The following CD163L1 variants were observed in gnomAD, a reference collection of about 807,000 sequenced individuals.
CD163L1 encodes the protein CD163 molecule like 1, also known as scavenger receptor cysteine-rich type 1 protein M160.
A neutral mutation model predicts 165.4 loss-of-function variants in CD163L1; 124 were observed. The ratio of observed to expected loss-of-function variants is 0.75; its 90% CI spans 0.65 to 0.87. The LOEUF is 0.87. Among genes scored for constraint, CD163L1 ranks in the 40% least tolerant of loss-of-function variants. The probability of loss-of-function intolerance (pLI) is 0.00; values close to 1 mark genes in which losing one functional copy is unlikely to be tolerated. For synonymous variants in CD163L1, 585 were observed against 662.2 expected, an observed-to-expected ratio of 0.88 and a Z score of 1.79; for missense variants, 1,525 against 1,799.9, an observed-to-expected ratio of 0.85 and a Z score of 2.76.
chr12:7,395,877 A>G (rs1450181498), intron 8 of CD163L1, among the ~76,000 whole-genome samples: 1 of 152,194 alleles, frequency 6.6e-6, no homozygotes, highest in African/African-American at 2.4e-5. Flanking sequence ...ACTTTGGGAA[A>G]ATTTGGGTAG....
intron 4 of CD163L1, among the ~76,000 whole-genome samples, chr12:7,422,698 T>C (rs1277790445): frequency 1.3e-5 from 2 of 149,128 alleles, no homozygotes; most frequent in African/African-American, 4.9e-5. Context: ...TTCATATATA[T>C]ACATGTATAT....
intron 8 of CD163L1, among the ~76,000 whole-genome samples, chr12:7,392,943 CA>C (rs1337074446): frequency 6.6e-6 from 1 of 151,884 alleles, no homozygotes; most frequent in African/African-American, 2.4e-5. Context: ...GCCTACCAAC[CA>C]AAAAAAGTCC....
At chr12:7,423,397 C>A (rs1333727243) in intron 4 of CD163L1, among the ~76,000 whole-genome samples, 3 of 151,988 alleles carry the variant, frequency 2.0e-5, no homozygotes, top group Non-Finnish European at 4.4e-5. Context: ...AAAATTGACA[C>A]CCTAACATCA....
chr12:7,332,644 A>C, the CD163L1 span, among the ~76,000 whole-genome samples: 6 of 152,224 alleles, frequency 3.9e-5, no homozygotes, highest in African/African-American at 1.2e-4. Context: ...TTCTTAAAGA[A>C]AAGAATTTTC....
intron 2 of CD163L1, among the ~76,000 whole-genome samples, chr12:7,437,209 T>TAG (rs1565820110): frequency 6.1e-4 from 32 of 52,368 alleles, no homozygotes; most frequent in African/African-American, 1.6e-3. Context: ...TATTACTTTT[T>TAG]TATTTTAATA....
the CD163L1 span, chr12:7,328,267 C>T: frequency 2.6e-6 from 4 of 1,548,446 alleles, no homozygotes; most frequent in Non-Finnish European, 2.6e-6. Flanking sequence ...TGTCTCATCA[C>T]GTTTTTTTCT....
At chr12:7,330,606 A>C in the CD163L1 span, among the ~76,000 whole-genome samples, 2 of 152,208 alleles carry the variant, frequency 1.3e-5, no homozygotes, top group Non-Finnish European at 2.9e-5. Context: ...TTCAGAGATA[A>C]AATTTCAGGC....
At chr12:7,353,823 G>A (rs2136367182), downstream of CD163L1, among the ~76,000 whole-genome samples, 1 of 151,956 alleles carries the variant, frequency 6.6e-6, no homozygotes, top group African/African-American at 2.4e-5. Context: ...AATAGGGATG[G>A]CTCTTTATTT....
chr12:7,368,234 G>T lies in CD163L1; in HGVS notation c.4073-37C>A. On this transcript the variant is annotated intron_variant, in intron 16 of 19. Transcript: ENST00000313599. The surrounding 1 kb of genome is among the most constrained non-coding windows in gnomAD (Gnocchi z 4.3). ...TTAAGCATTGATAAGTATTAAACTA[G>T]TAGATATCAATTGTGGGTTTATACA... The T allele has an allele frequency of 8.5e-7, 1 of 1,170,366 alleles. No individual in the cohort carries two copies. The highest frequency in any genetic ancestry group is 1.3e-6 in the Non-Finnish European group (1 of 786,146). The allele number at this position is 1,170,366 out of a possible 1,614,324, so 72.5% of individuals were successfully genotyped here. A position where few individuals can be genotyped will look rare whatever the true frequency, so the allele number is the denominator to read the frequency against.
At chr12:7,366,996 T>C (rs1433948600) in intron 18 of CD163L1, among the ~76,000 whole-genome samples, 1 of 152,214 alleles carries the variant, frequency 6.6e-6, no homozygotes, top group Non-Finnish European at 1.5e-5. Context: ...TCTTCTTTGC[T>C]TGGTGCCTCT....
chr12:7,366,179 T>G (rs78935962), intron 18 of CD163L1, among the ~76,000 whole-genome samples: 2,856 of 152,238 alleles, frequency 0.019, 71 homozygotes, highest in African/African-American at 0.065. Context: ...CTCATTCATA[T>G]GTGGGAGCTA....
intron 5 of CD163L1, among the ~76,000 whole-genome samples, chr12:7,404,770 T>C (rs1947984984): frequency 6.6e-6 from 1 of 152,206 alleles, no homozygotes; most frequent in Non-Finnish European, 1.5e-5. Context: ...ATGTAGGTCA[T>C]AATGATAGTT....
intron 18 of CD163L1, among the ~76,000 whole-genome samples, chr12:7,366,267 AAG>A (rs1285522931): frequency 2.6e-5 from 4 of 152,082 alleles, no homozygotes; most frequent in Admixed American, 2.6e-4. Context: ...AGGGAGGATA[AAG>A]AGAGGTTGAT....
In CD163L1 at chr12:7,433,375, A is replaced by C. The variant is rs10845159; in HGVS notation, c.444T>G (p.Tyr148Ter). 2.4e-5 allele frequency: 38 copies of C among 1,581,980 alleles called. No homozygotes were observed. The highest frequency in any genetic ancestry group is 3.1e-5 in the Non-Finnish European group (36 of 1,163,224). ...TTCCTACTCTAGTTAGACTCTTACC[A>C]TAACAGTTCACACCAACATCTTCTC... ...YHGEDVGVNC[Y>*]GEANLGLRLV... The change falls in exon 3 of 20, where the codon TAT (tyrosine) becomes TAG (stop). Residue 148 changes from tyrosine (Y) to a stop codon, truncating the protein, a stop_gained and splice_region_variant. Transcript: ENST00000313599. LOFTEE classifies it high-confidence loss of function.
chr12:7,433,598 T>C lies in CD163L1; in HGVS notation c.221A>G (p.Asp74Gly). The change falls in exon 3 of 20, where the codon GAT becomes GGT. Residue 74 changes from aspartate to glycine, a missense_variant. By Grantham distance (94) the Asp-to-Gly change is moderately conservative. Coordinates refer to ENST00000313599, the MANE Select transcript of CD163L1 (RefSeq NM_174941.6). ...KFQGQWGTVCDDGWNTTASTV... is the reference protein window; with the variant it reads ...KFQGQWGTVCGDGWNTTASTV... ...TGAGGCAGTAGTGTTCCACCCATCA[T>C]CACACACAGTCCCCCACTGTCCCTG... 1 of 1,614,172 alleles carries C rather than the reference T, an allele frequency of 6.2e-7. No homozygotes were observed. Among genetic ancestry groups the C allele is most frequent in the Non-Finnish European group, 8.5e-7 (1 of 1,180,012 alleles).
In CD163L1 at chr12:7,421,497, ATG is replaced by A. The variant is rs1491456296; in HGVS notation, c.766+10917_766+10918del. On this transcript the variant is annotated intron_variant, in intron 4 of 19. Coordinates refer to ENST00000313599, the MANE Select transcript of CD163L1 (RefSeq NM_174941.6). ...TACATATATGTACATATATACATAT[ATG>A]TACATATACATATACATATATGTAC... Among the ~76,000 whole-genome samples, 668 of 87,058 alleles carry A rather than the reference ATG, an allele frequency of 7.7e-3. 55 individuals carry two copies. The highest frequency in any genetic ancestry group is 0.021 in the African/African-American group (369 of 17,326). 57.1% of individuals were successfully genotyped at this position (87,058 alleles called of 152,430 possible).
At chr12:7,439,521 TTTTTTC>T in intron 2 of CD163L1, 1 of 1,579,050 alleles carries the variant, frequency 6.3e-7, no homozygotes, top group Admixed American at 2.0e-5. Context: ...TCTGCCTTAA[TTTTTTC>T]TTTTTCTTCT....
rs1565809629 is a variant in CD163L1 at position 7,421,376 on chromosome 12, CATTTGGAAGATATATATGT to C, written c.766+11021_766+11039del. On this transcript the variant is annotated intron_variant, in intron 4 of 19. Transcript: ENST00000313599. ...ATATATGTGTATATATGTATATATACATTTGGAAGATATATATGTATATATATCTTCCAAATGTATATAT... is the reference window on the plus strand; with the variant it reads ...ATATATGTGTATATATGTATATATACATATATATCTTCCAAATGTATATAT... 2.5e-4 allele frequency among the ~76,000 whole-genome samples: 21 copies of C among 83,122 alleles called. 1 individual carries two copies. The highest frequency in any genetic ancestry group is 1.2e-3 in the African/African-American group (20 of 16,466). The allele number at this position is 83,122 out of a possible 152,430, so 54.5% of individuals were successfully genotyped here.
chr12:7,329,336 AT>A, the CD163L1 span, among the ~76,000 whole-genome samples: 35 of 139,146 alleles, frequency 2.5e-4, no homozygotes, highest in East Asian at 1.3e-3. Flanking sequence ...ACCATATTTA[AT>A]TTTTTTTTCT....
Sources: gnomAD v4.1 joint callset for allele counts (sites outside exome capture counted in the v4.1 genomes callset) on GRCh38, gnomAD v4.1.1 for gene constraint, Gnocchi (gnomAD v3.1) non-coding constraint, MANE v1.5 for transcripts, NCBI Gene and HGNC (gene_info 2026-07-23, HGNC 2026-07-21) for gene names.